The following C9 variants were observed in gnomAD, a reference collection of about 807,000 sequenced individuals.
C9 encodes the protein complement C9.
A neutral mutation model predicts 65.4 loss-of-function variants in C9; 63 were observed. The observed-to-expected ratio is 0.96, with a 90% CI of 0.79 to 1.19. The LOEUF is 1.19. Ranked by LOEUF, C9 falls within the 50% of genes most tolerant of loss-of-function variation. The probability of loss-of-function intolerance (pLI) is 0.00; values close to 1 mark genes in which losing one functional copy is unlikely to be tolerated. For synonymous variants in C9, 229 were observed against 227.9 expected (o/e 1.00, Z -0.04); for missense variants, 744 against 670.1 (o/e 1.11, Z -1.22).
At chr5:39,285,734 A>C (rs1752981174) in intron 10 of C9, among the ~76,000 whole-genome samples, 1 of 151,012 alleles carries the variant, frequency 6.6e-6, no homozygotes, top group South Asian at 2.1e-4. Flanking sequence ...AGTGAGCCAG[A>C]TGAATCCAAT....
At chr5:39,308,946 T>C (rs1753428232) in intron 7 of C9, among the ~76,000 whole-genome samples, 1 of 152,136 alleles carries the variant, frequency 6.6e-6, no homozygotes, top group Admixed American at 6.6e-5. Context: ...CTCCTGATCC[T>C]CTTTGGAAGA....
chr5:39,316,361 T>G (rs1561340788), intron 5 of C9, among the ~76,000 whole-genome samples: 1 of 152,154 alleles, frequency 6.6e-6, no homozygotes, highest in Non-Finnish European at 1.5e-5. Flanking sequence ...TCAACTTACT[T>G]TAAGTTCTGG....
chr5:39,296,962 G>C (rs1163619283), intron 9 of C9, among the ~76,000 whole-genome samples: 1 of 151,312 alleles, frequency 6.6e-6, no homozygotes, highest in East Asian at 1.9e-4. Context: ...ATACAATAAA[G>C]GCCATATATG....
intron 4 of C9, among the ~76,000 whole-genome samples, chr5:39,334,075 C>T (rs1200339314): frequency 2.7e-5 from 4 of 147,022 alleles, no homozygotes; most frequent in African/African-American, 5.1e-5. Context: ...GGCCGCCCAT[C>T]GTCTGAGATG....
chr5:39,320,862 T>C lies in C9; in HGVS notation c.616-4833A>G, dbSNP rs1278624930. Among the ~76,000 whole-genome samples, 3 of 151,422 alleles carry C rather than the reference T, an allele frequency of 2.0e-5. No individual in the cohort carries two copies. In the East Asian group the frequency reaches 5.8e-4, roughly 29 times the overall value. Reference sequence around the variant, plus strand: ...CAAAAGCCTTGAATCCAGGAGAGAGTGAGATGATATATTCAAGAGTATTGA... The same window carrying C: ...CAAAAGCCTTGAATCCAGGAGAGAGCGAGATGATATATTCAAGAGTATTGA... On this transcript the variant is annotated intron_variant, in intron 5 of 10. Transcript: ENST00000263408.
chr5:39,318,203 T>A (rs961097564), intron 5 of C9, among the ~76,000 whole-genome samples: 1 of 152,184 alleles, frequency 6.6e-6, no homozygotes, highest in African/African-American at 2.4e-5. Flanking sequence ...TAATTTTGCA[T>A]CCTGAGACTT....
chr5:39,288,876 T>C lies in C9; in HGVS notation c.1492A>G (p.Ile498Val), dbSNP rs2111836289. ...CTAAATTCATTGATATAGTCTTCAA[T>C]GGCTCTTTCCAAGTTTTGTTTCTTT... ...HLKKQNLERA[I>V]EDYINEFSVR... Residue 498 changes from isoleucine to valine, a missense_variant, in exon 10 of 11, where the codon ATT (isoleucine) becomes GTT (valine). Ile to Val is a conservative substitution (Grantham distance 29). Coordinates refer to ENST00000263408, the MANE Select transcript of C9 (RefSeq NM_001737.5). 6.2e-7 allele frequency: 1 copy of C among 1,611,804 alleles called. No homozygotes were observed. Among genetic ancestry groups the C allele is most frequent in the Non-Finnish European group, 8.5e-7 (1 of 1,178,330 alleles).
At chr5:39,325,709 T>C (rs144164895) in intron 5 of C9, among the ~76,000 whole-genome samples, 4,418 of 149,688 alleles carry the variant, frequency 0.03, 196 homozygotes, top group African/African-American at 0.099. Context: ...GAGGCAGTGA[T>C]TGCAGTGAGC....
intron 1 of C9, among the ~76,000 whole-genome samples, chr5:39,355,421 T>C (rs571347493): frequency 2.0e-5 from 3 of 151,804 alleles, no homozygotes; most frequent in South Asian, 4.2e-4. Flanking sequence ...TGTACACTTA[T>C]TTACTTCCTT....
intron 9 of C9, among the ~76,000 whole-genome samples, chr5:39,290,913 A>G (rs187269029): frequency 8.3e-4 from 127 of 152,100 alleles, no homozygotes; most frequent in Non-Finnish European, 1.6e-3. Flanking sequence ...CCCAGTTTGG[A>G]TTAAAATAAT....
At position 39,356,664 on chromosome 5, in the gene C9, T is replaced by C. The variant is rs1172885228; in HGVS notation, c.77+7724A>G. Among the ~76,000 whole-genome samples the C allele has an allele frequency of 3.3e-5, 5 of 152,254 alleles. 1 individual carries two copies. Among genetic ancestry groups the C allele is most frequent in the Admixed American group, 3.3e-4 (5 of 15,294 alleles). The stretch of plus-strand genomic sequence containing the variant: ...AGTGAAGGCAGAACTCATGGGAATT[T>C]TTAGCAGAGAATAACAAGTCATGCA... On this transcript the variant is annotated intron_variant, in intron 1 of 10. Transcript: ENST00000263408.
At chr5:39,307,660 T>C (rs547310347) in intron 8 of C9, among the ~76,000 whole-genome samples, 63 of 152,290 alleles carry the variant, frequency 4.1e-4, no homozygotes, top group Non-Finnish European at 7.1e-4. Flanking sequence ...TCTCAGGTAT[T>C]TCTGATTAGA....
At position 39,342,106 on chromosome 5, in the gene C9, A is replaced by G. The variant is rs748316184; in HGVS notation, c.168T>C (p.Pro56=). ...SPWSEWSQCD[P]CLRQMFRSRS... is the part of the protein sequence containing the mutation. ...GAACACTTACCATTTGTCTGAGACA[A>G]GGATCGCATTGTGACCATTCACTCC... is the stretch of plus-strand genomic sequence containing the variant. The change falls in exon 2 of 11, where the codon CCT becomes CCC. Residue 56 remains proline, a synonymous_variant. Coordinates refer to ENST00000263408, the MANE Select transcript of C9 (RefSeq NM_001737.5). The G allele has an allele frequency of 1.3e-6, 2 of 1,583,648 alleles. No homozygotes were observed. The highest frequency in any genetic ancestry group is 1.3e-5 in the African/African-American group (1 of 74,354).
intron 5 of C9, among the ~76,000 whole-genome samples, chr5:39,326,983 T>TG (rs1479574628): frequency 2.0e-5 from 3 of 151,506 alleles, no homozygotes; most frequent in African/African-American, 7.4e-5. Context: ...TAGTATACAA[T>TG]ATAGTTTTTC....
intron 4 of C9, among the ~76,000 whole-genome samples, chr5:39,339,651 CTTTTTTT>C (rs550624256): frequency 1.7e-4 from 10 of 57,552 alleles, no homozygotes; most frequent in South Asian, 1.0e-3. Flanking sequence ...TCTTTTCTCT[CTTTTTTT>C]TTTTTTTTTT....
At chr5:39,325,771 CAA>C (rs34079563) in intron 5 of C9, among the ~76,000 whole-genome samples, 7 of 92,438 alleles carry the variant, frequency 7.6e-5, no homozygotes, top group East Asian at 3.6e-4. Context: ...GACTCCATCT[CAA>C]AAAAAAAAAA....
At chr5:39,336,038 AG>A (rs1561348393) in intron 4 of C9, among the ~76,000 whole-genome samples, 3 of 152,164 alleles carry the variant, frequency 2.0e-5, no homozygotes, top group Admixed American at 2.0e-4. Context: ...GTAGATGCAA[AG>A]AATATAATTC....
intron 6 of C9, among the ~76,000 whole-genome samples, chr5:39,313,775 A>G (rs1275512864): frequency 2.6e-5 from 4 of 152,194 alleles, no homozygotes; most frequent in Non-Finnish European, 5.9e-5. Flanking sequence ...AAGTCAATGT[A>G]TAGCTCAATT....
intron 6 of C9, among the ~76,000 whole-genome samples, chr5:39,313,159 C>T (rs959067774): frequency 2.0e-5 from 3 of 152,126 alleles, no homozygotes; most frequent in Admixed American, 1.3e-4. Flanking sequence ...CAAAAAGTTT[C>T]CCTTGGCCTC....
Sources: gnomAD v4.1 joint callset for allele counts (sites outside exome capture counted in the v4.1 genomes callset) on GRCh38, gnomAD v4.1.1 for gene constraint, MANE v1.5 for transcripts, NCBI Gene and HGNC (gene_info 2026-07-23, HGNC 2026-07-21) for gene names.